The following PKP1 variants were observed in gnomAD, a reference collection of about 807,000 sequenced individuals.
PKP1 encodes the protein plakophilin 1.
PKP1 carries 27 observed loss-of-function variants against 76.4 expected under a neutral mutation model. That is an observed-to-expected ratio of 0.35 (90% CI 0.26 to 0.49). PKP1 has a LOEUF of 0.49. PKP1 is among the 20% of genes least tolerant of loss of function. The pLI, the probability that PKP1 is intolerant of heterozygous loss-of-function variation, is 0.99. For synonymous variants in PKP1, 404 were observed against 384.2 expected (o/e 1.05, Z -0.60); for missense variants, 964 against 955.2 (o/e 1.01, Z -0.12).
In PKP1 at chr1:201,283,792, G is replaced by C; in HGVS notation, c.90G>C (p.Lys30Asn). 6.2e-7 allele frequency: 1 copy of C among 1,614,214 alleles called. No homozygotes were observed. The highest frequency in any genetic ancestry group is 2.2e-5 in the East Asian group (1 of 44,876). ...NSTLALPSDQ[K>N]MKTGTSGRQR... ...CGTTGGCTTTGCCGTCGGACCAAAA[G>C]ATGAAAACAGGCACGTCTGGCAGGC... The change falls in exon 1 of 14, where the codon AAG becomes AAC. Residue 30 changes from lysine (K) to asparagine (N), a missense_variant. Transcript: ENST00000367324.
In PKP1 at chr1:201,323,140, T is replaced by A. The variant is rs760543372; in HGVS notation, c.1631T>A (p.Leu544Gln). 39 of 1,614,154 alleles carry A rather than the reference T, an allele frequency of 2.4e-5. No individual in the cohort carries two copies. The South Asian group carries it at 4.0e-4, about 16-fold the overall frequency. Residue 544 changes from leucine (L) to glutamine (Q), a missense_variant, in exon 9 of 14, where the codon CTG (leucine) becomes CAG (glutamine). Transcript: ENST00000367324. ...GGCAAGAGCAAGAAAGATGCTACCCTGGAGGCCTGTGCTGGTGCCCTGCAG... is the reference window on the plus strand; with the variant it reads ...GGCAAGAGCAAGAAAGATGCTACCCAGGAGGCCTGTGCTGGTGCCCTGCAG... ...LMGKSKKDAT[L>Q]EACAGALQNL...
intron 2 of PKP1, among the ~76,000 whole-genome samples, chr1:201,304,493 T>C (rs1558186692): frequency 2.6e-5 from 4 of 152,234 alleles, no homozygotes; most frequent in African/African-American, 7.2e-5. Flanking sequence ...TGGCATCCCT[T>C]GGGACAGATG....
At chr1:201,313,085 A>T (rs1457932770) in intron 2 of PKP1, 81 bp from the exon 3 acceptor site, 2 of 1,391,546 alleles carry the variant, frequency 1.4e-6, no homozygotes, top group East Asian at 4.8e-5. Context: ...GGGGCTGGGG[A>T]GGGCTGTATC....
chr1:201,304,870 C>G (rs1217650928), intron 2 of PKP1, among the ~76,000 whole-genome samples: 1 of 152,226 alleles, frequency 6.6e-6, no homozygotes, highest in Non-Finnish European at 1.5e-5. Flanking sequence ...GCCTAAAGTT[C>G]TCTGAGCTTA....
In PKP1 at chr1:201,313,094, T is replaced by G. The variant is rs1378950329; in HGVS notation, c.307-72T>G. 4 of 1,483,600 alleles carry G rather than the reference T, an allele frequency of 2.7e-6. No individual in the cohort carries two copies. In the African/African-American group the frequency reaches 5.5e-5, roughly 21 times the overall value. The allele number at this position is 1,483,600 out of a possible 1,614,324, so 91.9% of individuals were successfully genotyped here. A position where few individuals can be genotyped will look rare whatever the true frequency, so the allele number is the denominator to read the frequency against. On this transcript the variant is annotated intron_variant, in intron 2 of 13. Transcript: ENST00000367324. Reference sequence around the variant, plus strand: ...ATTATGGGGGCTGGGGAGGGCTGTATCTCATGCCCTGCTGGATCCAGGACC... The same window carrying G: ...ATTATGGGGGCTGGGGAGGGCTGTAGCTCATGCCCTGCTGGATCCAGGACC...
At position 201,316,538 on chromosome 1, in the gene PKP1, G is replaced by C. The variant is rs770336451; in HGVS notation, c.702-15G>C. On this transcript the variant is annotated splice_polypyrimidine_tract_variant and intron_variant, in intron 3 of 13. Transcript: ENST00000367324. ...AGCCCACCCCGTAACCACCCCCACT[G>C]CCTATTCTTCACAGGATCTGCAGTG... 10 of 1,596,274 alleles carry C rather than the reference G, an allele frequency of 6.3e-6. No individual in the cohort carries two copies. Among genetic ancestry groups the C allele is most frequent in the Non-Finnish European group, 8.5e-6 (10 of 1,171,026 alleles).
In PKP1 at chr1:201,283,717, G is replaced by A. The variant is rs760122260; in HGVS notation, c.15G>A (p.Pro5=). The change falls in exon 1 of 14, where the codon CCG becomes CCA. Residue 5 remains proline, a synonymous_variant. Coordinates refer to ENST00000367324, the MANE Select transcript of PKP1 (RefSeq NM_001005337.3). ...CTCCCGCCACCATGAACCACTCGCC[G>A]CTCAAGACCGCCTTGGCGTACGAAT... MNHS[P]LKTALAYECF... 2 of 1,613,612 alleles carry A rather than the reference G, an allele frequency of 1.2e-6. No homozygotes were observed. Among genetic ancestry groups the A allele is most frequent in the African/African-American group, 2.7e-5 (2 of 74,910 alleles).
At chr1:201,328,457 T>G in intron 12 of PKP1, 2 of 436,210 alleles carry the variant, frequency 4.6e-6, no homozygotes, top group Admixed American at 3.5e-5. Flanking sequence ...CTGATTTTGA[T>G]TGTTGCTCTG....
chr1:201,320,077 C>A, intron 6 of PKP1, 190 bp from the exon 7 acceptor site: 1 of 696,768 alleles, frequency 1.4e-6, no homozygotes, highest in South Asian at 1.6e-5. Flanking sequence ...TCATTCCTTT[C>A]CTCCCTTTCC....
intron 2 of PKP1, 120 bp from the exon 3 acceptor site, chr1:201,313,046 C>T (rs1656607240): frequency 1.8e-6 from 2 of 1,083,852 alleles, no homozygotes; most frequent in Non-Finnish European, 2.8e-6. Flanking sequence ...CCACGCCAAA[C>T]ATTCTGGGAT....
At chr1:201,313,093 A>G in intron 2 of PKP1, 73 bp from the exon 3 acceptor site, 1 of 1,488,450 alleles carries the variant, frequency 6.7e-7, no homozygotes, top group South Asian at 1.2e-5. Context: ...GGAGGGCTGT[A>G]TCTCATGCCC....
chr1:201,316,542 A>G lies in PKP1; in HGVS notation c.702-11A>G, dbSNP rs775951619. On this transcript the variant is annotated splice_polypyrimidine_tract_variant and intron_variant, in intron 3 of 13. Coordinates refer to ENST00000367324, the MANE Select transcript of PKP1 (RefSeq NM_001005337.3). ...CACCCCGTAACCACCCCCACTGCCT[A>G]TTCTTCACAGGATCTGCAGTGAGGA... 1.7e-5 allele frequency: 27 copies of G among 1,599,660 alleles called. No individual in the cohort carries two copies. In the East Asian group the frequency reaches 4.0e-4, roughly 24 times the overall value.
chr1:201,300,592 T>A (rs1656200120), intron 2 of PKP1, among the ~76,000 whole-genome samples: 1 of 152,230 alleles, frequency 6.6e-6, no homozygotes, highest in South Asian at 2.1e-4. Context: ...TTCCCGTGAC[T>A]GTGTTGGGGA....
At chr1:201,298,693 G>A (rs1261244236) in intron 2 of PKP1, among the ~76,000 whole-genome samples, 1 of 152,188 alleles carries the variant, frequency 6.6e-6, no homozygotes, top group African/African-American at 2.4e-5. Context: ...TTCTGTCTTT[G>A]TCTTGGCATT....
chr1:201,316,118 G>GGATGGACGGACGGACC, intron 3 of PKP1: 1 of 151,028 alleles, frequency 6.6e-6, no homozygotes, highest in Non-Finnish European at 1.4e-5. Flanking sequence ...ATGGATGGAC[G>GGATGGACGGACGGACC]GATGGACGGA....
rs759967131 is a variant in PKP1, at chr1:201,325,010, A to T, written c.1904A>T (p.Asp635Val). The change falls in exon 11 of 14, where the codon GAC (aspartate) becomes GTC (valine). Residue 635 changes from aspartate to valine, a missense_variant. By Grantham distance (152) the Asp-to-Val change is radical. Coordinates refer to ENST00000367324, the MANE Select transcript of PKP1 (RefSeq NM_001005337.3). ...SHTGNTSNSE[D>V]ILSSACYTVR... ...ACTGGCAATACCAGCAACTCCGAAG[A>T]CATCTTGTCCTCGGCCTGCTACACT... 5.4e-5 allele frequency: 87 copies of T among 1,613,738 alleles called. No homozygotes were observed. The highest frequency in any genetic ancestry group is 7.4e-5 in the Non-Finnish European group (87 of 1,180,022).
At chr1:201,327,815 A>G (rs922994165) in intron 12 of PKP1, among the ~76,000 whole-genome samples, 5 of 152,038 alleles carry the variant, frequency 3.3e-5, no homozygotes, top group African/African-American at 1.2e-4. Context: ...GAGTTGTCAC[A>G]AGCACAGGTG....
chr1:201,312,369 G>T (rs1414817681), intron 2 of PKP1, among the ~76,000 whole-genome samples: 1 of 152,206 alleles, frequency 6.6e-6, no homozygotes, highest in Non-Finnish European at 1.5e-5. Flanking sequence ...AGCTGCTGGT[G>T]TCTGGGAATG....
intron 1 of PKP1, among the ~76,000 whole-genome samples, chr1:201,290,842 T>C (rs1361112185): frequency 2.6e-5 from 4 of 152,116 alleles, no homozygotes; most frequent in African/African-American, 9.7e-5. Flanking sequence ...GAGATGGAGA[T>C]GGGAGTAGGC....
Sources: allele counts gnomAD v4.1 joint callset (sites outside exome capture counted in the v4.1 genomes callset), GRCh38; gene constraint gnomAD v4.1.1; transcripts MANE v1.5; gene names NCBI Gene and HGNC (gene_info 2026-07-23, HGNC 2026-07-21).